Variants in AGK observed in about 807,000 individuals in gnomAD.
AGK encodes acylglycerol kinase.
AGK carries 52 observed loss-of-function variants against 66.4 expected under a neutral mutation model. The observed-to-expected ratio is 0.78, with a 90% confidence interval of 0.63 to 0.99. AGK has a LOEUF of 0.99. Ranked by LOEUF, AGK falls within the 50% of genes least tolerant of loss-of-function variation. The pLI, the probability that AGK is intolerant of heterozygous loss-of-function variation, is 0.00. For synonymous variants in AGK, 182 were observed against 181.1 expected (o/e 1.00, Z -0.04); for missense variants, 451 against 506.6 (o/e 0.89, Z 1.05).
intron 1 of AGK, among the ~76,000 whole-genome samples, chr7:141,554,688 G>A (rs1795170174): frequency 6.6e-6 from 1 of 152,132 alleles, no homozygotes; most frequent in Non-Finnish European, 1.5e-5. Context: ...ATGAATATAA[G>A]CATCACCAAA....
At chr7:141,599,826 T>G (rs1257575684) in intron 4 of AGK, among the ~76,000 whole-genome samples, 2 of 152,180 alleles carry the variant, frequency 1.3e-5, no homozygotes, top group Non-Finnish European at 2.9e-5. Flanking sequence ...TTCAGAGCAG[T>G]AGAAAGGTAG....
At chr7:141,572,024 G>A (rs1795618212) in intron 2 of AGK, among the ~76,000 whole-genome samples, 1 of 152,150 alleles carries the variant, frequency 6.6e-6, no homozygotes, top group South Asian at 2.1e-4. Flanking sequence ...GCAGAAAATG[G>A]GAATTCACTC....
At chr7:141,636,898 T>G (rs1797183084) in intron 10 of AGK, 62 bp from the exon 11 acceptor site, 2 of 1,340,566 alleles carry the variant, frequency 1.5e-6, no homozygotes, top group Non-Finnish European at 2.1e-6. Flanking sequence ...CCATGAATGG[T>G]ATCTATCACA....
At chr7:141,565,724 A>C (rs187112773) in intron 2 of AGK, among the ~76,000 whole-genome samples, 90 of 152,050 alleles carry the variant, frequency 5.9e-4, no homozygotes, top group Non-Finnish European at 1.1e-3. Flanking sequence ...TACATTCTAA[A>C]GGATTTTGCT....
At chr7:141,600,407 T>C (rs545191345) in intron 4 of AGK, among the ~76,000 whole-genome samples, 1 of 152,324 alleles carries the variant, frequency 6.6e-6, no homozygotes, top group African/African-American at 2.4e-5. Context: ...CAGAATGATA[T>C]GCATAATACT....
chr7:141,608,827 A>C (rs530928962), intron 5 of AGK, among the ~76,000 whole-genome samples: 2 of 152,260 alleles, frequency 1.3e-5, no homozygotes, highest in South Asian at 4.1e-4. Context: ...ACCTGATGTA[A>C]TGTGTCTGTC....
chr7:141,607,644 TTTTAA>T (rs1273418497), intron 5 of AGK, among the ~76,000 whole-genome samples: 1 of 152,142 alleles, frequency 6.6e-6, no homozygotes, highest in African/African-American at 2.4e-5. Context: ...TTTTACTGAA[TTTTAA>T]TTTATCAATT....
At chr7:141,649,094 G>GAA (rs34553236) in intron 13 of AGK, 169 bp from the exon 14 acceptor site, 743 of 315,692 alleles carry the variant, frequency 2.4e-3, no homozygotes, top group Middle Eastern at 3.4e-3. Context: ...AGCTCTTTGT[G>GAA]AAAAAAAAAA....
intron 2 of AGK, among the ~76,000 whole-genome samples, chr7:141,557,197 TATAAC>T (rs1303920671): frequency 6.6e-6 from 1 of 152,230 alleles, no homozygotes; most frequent in Non-Finnish European, 1.5e-5. Flanking sequence ...AACTTTATGA[TATAAC>T]ATGATGTCTG....
chr7:141,571,010 G>A (rs1225341370), intron 2 of AGK, among the ~76,000 whole-genome samples: 2 of 152,158 alleles, frequency 1.3e-5, no homozygotes, highest in Admixed American at 6.5e-5. Flanking sequence ...CTGCATAGCT[G>A]TGCAGAGCCA....
chr7:141,579,563 G>A (rs1330530037), intron 2 of AGK, among the ~76,000 whole-genome samples: 1 of 151,948 alleles, frequency 6.6e-6, no homozygotes, highest in Admixed American at 6.5e-5. Context: ...TGTGAGTAAG[G>A]TTAATTTGCC....
chr7:141,574,960 C>T (rs1795701896), intron 2 of AGK, among the ~76,000 whole-genome samples: 1 of 152,160 alleles, frequency 6.6e-6, no homozygotes, highest in Non-Finnish European at 1.5e-5. Flanking sequence ...TTAGGTGAGG[C>T]CTTCCCATGG....
chr7:141,587,568 T>C (rs568789046), intron 2 of AGK, among the ~76,000 whole-genome samples: 2 of 152,360 alleles, frequency 1.3e-5, no homozygotes, highest in African/African-American at 4.8e-5. Flanking sequence ...AAATTGGCCA[T>C]GTTCTAGCAC....
chr7:141,626,602 T>C (rs1486454436), intron 9 of AGK, among the ~76,000 whole-genome samples: 5 of 152,216 alleles, frequency 3.3e-5, no homozygotes, highest in African/African-American at 1.2e-4. Context: ...CACCTATGTA[T>C]TTTGCTGCAC....
At chr7:141,637,073 A>G (rs1797191259) in intron 11 of AGK, 56 bp downstream of exon 11, 37 of 1,439,228 alleles carry the variant, frequency 2.6e-5, no homozygotes, top group Non-Finnish European at 3.5e-5. Context: ...TTTCTCTGTA[A>G]TGCATATATT....
intron 10 of AGK, among the ~76,000 whole-genome samples, chr7:141,634,461 GGC>G (rs965248966): frequency 1.6e-4 from 25 of 152,334 alleles, no homozygotes; most frequent in Non-Finnish European, 2.9e-5. Flanking sequence ...GAAGAAAGGC[GGC>G]GCCTGGCTGT....
intron 9 of AGK, among the ~76,000 whole-genome samples, chr7:141,626,856 C>G (rs1318547927): frequency 6.6e-6 from 1 of 152,168 alleles, no homozygotes; most frequent in Non-Finnish European, 1.5e-5. Flanking sequence ...TTAGTATTAA[C>G]TATATCTTAA....
chr7:141,568,184 A>G (rs1795508749), intron 2 of AGK, among the ~76,000 whole-genome samples: 2 of 152,092 alleles, frequency 1.3e-5, no homozygotes, highest in Admixed American at 6.6e-5. Context: ...CCTTTTATTT[A>G]TTTCGCCTTT....
chr7:141,565,224 A>G (rs1795443127), intron 2 of AGK, among the ~76,000 whole-genome samples: 2 of 152,176 alleles, frequency 1.3e-5, no homozygotes, highest in Admixed American at 1.3e-4. Flanking sequence ...CCAGACCTGT[A>G]TATACATTCA....
Sources: gnomAD v4.1 joint callset for allele counts (sites outside exome capture counted in the v4.1 genomes callset) on GRCh38, gnomAD v4.1.1 for gene constraint, MANE v1.5 for transcripts, NCBI Gene and HGNC (gene_info 2026-07-23, HGNC 2026-07-21) for gene names.